SOAT2: variants seen among roughly 807,000 people sequenced by gnomAD.
SOAT2 encodes the protein sterol O-acyltransferase 2.
Under a neutral mutation model 76.0 loss-of-function variants are expected in SOAT2, and 87 were observed. The observed-to-expected ratio is 1.14, with a 90% confidence interval of 0.96 to 1.37. The LOEUF is 1.37. Among genes scored for constraint, SOAT2 ranks in the 40% most tolerant of loss-of-function variants. SOAT2 has a pLI of 0.00. For synonymous variants in SOAT2, 285 were observed against 275.4 expected (o/e 1.03, Z -0.34); for missense variants, 686 against 682.1 (o/e 1.01, Z -0.06).
At chr12:53,123,628 C>A in intron 13 of SOAT2, 100 bp from the exon 14 acceptor site, 1 of 1,388,552 alleles carries the variant, frequency 7.2e-7, no homozygotes, top group Non-Finnish European at 1.0e-6. Flanking sequence ...TCCAATGGGG[C>A]CTTCTTGTTC....
Position 53,115,519 on chromosome 12 carries a change from C to T in SOAT2, c.573C>T (p.Gly191=), listed in dbSNP as rs755113340. The T allele has an allele frequency of 1.9e-6, 3 of 1,606,016 alleles. No individual in the cohort carries two copies. The highest frequency in any genetic ancestry group is 2.2e-5 in the East Asian group (1 of 44,878). ...AGGCCCTACGGCTGTGGGCCAGGGG[C>T]ACCTGGACGCAGGCGACGGGCCTGG... is the stretch of plus-strand genomic sequence containing the variant. ...PYQALRLWAR[G]TWTQATGLGC... Residue 191 remains glycine (G), a synonymous_variant, in exon 6 of 15, where the codon GGC becomes GGT. Transcript: ENST00000301466.
intron 10 of SOAT2, 132 bp downstream of exon 10, chr12:53,119,385 A>C (rs1938155796): frequency 1.0e-6 from 1 of 952,592 alleles, no homozygotes; most frequent in Non-Finnish European, 1.5e-6. Flanking sequence ...GTCCCCTCCT[A>C]TCAGGGCCAT....
intron 11 of SOAT2, among the ~76,000 whole-genome samples, 153 bp from the exon 12 acceptor site, chr12:53,121,150 G>A (rs1374286107): frequency 6.6e-6 from 1 of 152,190 alleles, no homozygotes; most frequent in African/African-American, 2.4e-5. Flanking sequence ...ACCTGAGGAG[G>A]GAGGTGGGAG....
In SOAT2 at chr12:53,105,115, G is replaced by A. The variant is rs1444868146; in HGVS notation, c.147G>A (p.Lys49=). 6.4e-7 allele frequency: 1 copy of A among 1,559,220 alleles called. No individual in the cohort carries two copies. Among genetic ancestry groups the A allele is most frequent in the Non-Finnish European group, 8.7e-7 (1 of 1,151,260 alleles). Residue 49 remains lysine (K), a synonymous_variant, in exon 3 of 15, where the codon AAG becomes AAA. Transcript: ENST00000301466. ...VQWTRHMEAV[K]AQLLEQAQGQ... ...CTGGCTTTGTCCCGTAGGCTGTGAA[G>A]GCACAATTGCTGGAGCAAGCGCAGG...
intron 5 of SOAT2, among the ~76,000 whole-genome samples, chr12:53,109,726 G>A (rs141441859): frequency 7.2e-4 from 110 of 152,222 alleles, no homozygotes; most frequent in Non-Finnish European, 1.3e-3. Context: ...GACCTCAAGC[G>A]ATCCACCCAC....
Position 53,115,704 on chromosome 12 carries a change from C to T in SOAT2, c.708+50C>T, listed in dbSNP as rs765756705. The T allele has an allele frequency of 6.2e-6, 9 of 1,459,272 alleles. No homozygotes were observed. In the Admixed American group the frequency reaches 1.6e-4, roughly 25 times the overall value. The allele number at this position is 1,459,272 out of a possible 1,614,324, so 90.4% of individuals were successfully genotyped here. ...ACAGGAAGGAACCAGCTGGTGGGGC[C>T]ATCTCAGCAGAGGGGGAGTCCCCCA... On this transcript the variant is annotated intron_variant, in intron 6 of 14. Transcript: ENST00000301466.
intron 2 of SOAT2, among the ~76,000 whole-genome samples, chr12:53,104,562 C>T (rs1002704824): frequency 1.3e-5 from 2 of 152,102 alleles, no homozygotes; most frequent in African/African-American, 2.4e-5. Flanking sequence ...GTGTGAGCCA[C>T]GGTGCCCAGC....
At position 53,123,730 on chromosome 12, in the gene SOAT2, A is replaced by T; in HGVS notation, c.1375A>T (p.Met459Leu). The change falls in exon 14 of 15, where the codon ATG (methionine) becomes TTG (leucine). Residue 459 changes from methionine to leucine, a missense_variant and splice_region_variant. Transcript: ENST00000301466. The stretch of plus-strand genomic sequence containing the variant: ...GACAACCTTTCCTCCTGCACCAGGA[A>T]TGTTGAACTTCATGATGCATGACCA... Reference protein sequence around the residue: ...MLILFLVIGGMLNFMMHDQRT... With the variant: ...MLILFLVIGGLLNFMMHDQRT... 1 of 1,614,130 alleles carries T rather than the reference A, an allele frequency of 6.2e-7. No individual in the cohort carries two copies. Among genetic ancestry groups the T allele is most frequent in the East Asian group, 2.2e-5 (1 of 44,884 alleles).
At chr12:53,104,607 C>T (rs1481953504) in intron 2 of SOAT2, among the ~76,000 whole-genome samples, 2 of 151,952 alleles carry the variant, frequency 1.3e-5, no homozygotes, top group African/African-American at 2.4e-5. Flanking sequence ...AGATCGGATT[C>T]GAATTAAGGA....
intron 5 of SOAT2, among the ~76,000 whole-genome samples, chr12:53,112,116 AT>A (rs574067383): frequency 5.9e-5 from 9 of 151,340 alleles, no homozygotes; most frequent in African/African-American, 9.7e-5. Flanking sequence ...GTGCACTTAC[AT>A]TTTTTTTTCC....
At chr12:53,116,793 G>C (rs919735897) in intron 7 of SOAT2, among the ~76,000 whole-genome samples, 7 of 151,816 alleles carry the variant, frequency 4.6e-5, no homozygotes, top group African/African-American at 1.7e-4. Context: ...ACTTGAGTCC[G>C]GGAGGTGAAG....
chr12:53,119,851 A>G (rs983081110), intron 10 of SOAT2, among the ~76,000 whole-genome samples: 2 of 152,078 alleles, frequency 1.3e-5, no homozygotes, highest in African/African-American at 4.8e-5. Context: ...AGGCACATCA[A>G]TGCCACCATA....
Position 53,105,165 on chromosome 12 carries a change from G to C in SOAT2, c.197G>C (p.Arg66Pro). The change falls in exon 3 of 15, where the codon CGG becomes CCG. Residue 66 changes from arginine to proline, a missense_variant. Transcript: ENST00000301466. Reference sequence around the variant, plus strand: ...GGACAACTGAGGGAGCTGCTGGATCGGGCCATGCGGGAGGCTATACAATCC... The same window carrying C: ...GGACAACTGAGGGAGCTGCTGGATCCGGCCATGCGGGAGGCTATACAATCC... ...AQGQLRELLD[R>P]AMREAIQSYP... is the part of the protein sequence containing the mutation. 1 of 1,584,474 alleles carries C rather than the reference G, an allele frequency of 6.3e-7. No individual in the cohort carries two copies. The highest frequency in any genetic ancestry group is 8.6e-7 in the Non-Finnish European group (1 of 1,165,362).
At chr12:53,114,036 T>C (rs1224216582) in intron 5 of SOAT2, among the ~76,000 whole-genome samples, 1 of 152,194 alleles carries the variant, frequency 6.6e-6, no homozygotes, top group Non-Finnish European at 1.5e-5. Flanking sequence ...TGGTGGGCTT[T>C]TGTTACATTC....
intron 5 of SOAT2, among the ~76,000 whole-genome samples, chr12:53,109,766 G>T (rs1242282864): frequency 6.6e-6 from 1 of 152,132 alleles, no homozygotes; most frequent in Non-Finnish European, 1.5e-5. Flanking sequence ...TGGGATCATA[G>T]GTGTGAGCCA....
At chr12:53,105,344 C>G in intron 3 of SOAT2, 101 bp downstream of exon 3, 3 of 1,412,058 alleles carry the variant, frequency 2.1e-6, no homozygotes, top group Non-Finnish European at 2.9e-6. Context: ...GACCGTGACT[C>G]CAGCCTTCCC....
At chr12:53,122,661 A>G (rs1400475123) in intron 12 of SOAT2, among the ~76,000 whole-genome samples, 6 of 152,016 alleles carry the variant, frequency 3.9e-5, no homozygotes, top group Non-Finnish European at 8.8e-5. Flanking sequence ...AAGGTCACAG[A>G]TCAACAGGAT....
chr12:53,115,800 G>C, intron 6 of SOAT2, 146 bp downstream of exon 6: 3 of 1,044,874 alleles, frequency 2.9e-6, no homozygotes, highest in Non-Finnish European at 4.0e-6. Context: ...AGTTACCGGG[G>C]GTGGAGTCCA....
chr12:53,104,845 T>C (rs1937903621), intron 2 of SOAT2, among the ~76,000 whole-genome samples: 1 of 152,116 alleles, frequency 6.6e-6, no homozygotes, highest in African/African-American at 2.4e-5. Flanking sequence ...GCAGGGATCA[T>C]GGCTTGTTCA....
Sources: allele counts gnomAD v4.1 joint callset (sites outside exome capture counted in the v4.1 genomes callset), GRCh38; gene constraint gnomAD v4.1.1; transcripts MANE v1.5; gene names NCBI Gene and HGNC (gene_info 2026-07-23, HGNC 2026-07-21).